The following TRMT11 variants were observed in gnomAD, a reference collection of about 807,000 sequenced individuals.
TRMT11 encodes tRNA (guanine(10)-N(2))-methyltransferase TRMT11.
TRMT11 carries 53 observed loss-of-function variants against 62.8 expected under a neutral mutation model. That is an observed-to-expected ratio of 0.84 (90% CI 0.68 to 1.06). The LOEUF is 1.06. Among genes scored for constraint, TRMT11 ranks in the 50% least tolerant of loss-of-function variants. The probability of loss-of-function intolerance (pLI) is 0.00; values close to 1 mark genes in which losing one functional copy is unlikely to be tolerated. For synonymous variants in TRMT11, 188 were observed against 190.3 expected, an observed-to-expected ratio of 0.99 and a Z score of 0.10; for missense variants, 556 against 553.4, an observed-to-expected ratio of 1.00 and a Z score of -0.05.
intron 17 of TRMT11, among the ~76,000 whole-genome samples, chr6:126,107,822 T>A (rs972685259): frequency 6.6e-6 from 1 of 152,156 alleles, no homozygotes; most frequent in South Asian, 2.1e-4. Flanking sequence ...CATTGTCAGG[T>A]CAGCATGCAG....
At chr6:126,116,844 A>T (rs1777592971) in intron 21 of TRMT11, among the ~76,000 whole-genome samples, 1 of 152,098 alleles carries the variant, frequency 6.6e-6, no homozygotes, top group Non-Finnish European at 1.5e-5. Flanking sequence ...TTCATGAGGG[A>T]GATTTAAATT....
At chr6:126,265,895 A>C in the TRMT11 span, among the ~76,000 whole-genome samples, 2 of 152,330 alleles carry the variant, frequency 1.3e-5, no homozygotes, top group Non-Finnish European at 2.9e-5. Flanking sequence ...TAAGGTCAAA[A>C]GAAACATATG....
intron 11 of TRMT11, among the ~76,000 whole-genome samples, chr6:126,016,480 A>G (rs1330906079): frequency 6.6e-6 from 1 of 152,162 alleles, no homozygotes; most frequent in Non-Finnish European, 1.5e-5. Context: ...AATCAAAATC[A>G]TATGTGGTTG....
At chr6:126,189,981 T>G (rs1778576714) in intron 1 of TRMT11, among the ~76,000 whole-genome samples, 1 of 152,132 alleles carries the variant, frequency 6.6e-6, no homozygotes, top group Non-Finnish European at 1.5e-5. Context: ...CATACATATA[T>G]ACAATGAGTA....
chr6:126,113,308 CTGTA>C (rs1562325846), intron 18 of TRMT11, among the ~76,000 whole-genome samples: 1 of 152,012 alleles, frequency 6.6e-6, no homozygotes, highest in East Asian at 1.9e-4. Context: ...GGATGATAAA[CTGTA>C]TGGTCTTTCT....
At chr6:126,239,881 A>T in the TRMT11 span, among the ~76,000 whole-genome samples, 3 of 152,044 alleles carry the variant, frequency 2.0e-5, no homozygotes, top group African/African-American at 4.8e-5. Flanking sequence ...ACATAGTCCT[A>T]TATTTCTTGG....
At chr6:126,054,701 A>C (rs138419934) in intron 17 of TRMT11, among the ~76,000 whole-genome samples, 3 of 152,214 alleles carry the variant, frequency 2.0e-5, no homozygotes, top group African/African-American at 7.2e-5. Flanking sequence ...TTGAAGTGTC[A>C]TGATTTTAAA....
chr6:126,110,758 A>G (rs1777522482), intron 17 of TRMT11, among the ~76,000 whole-genome samples: 1 of 152,144 alleles, frequency 6.6e-6, no homozygotes, highest in African/African-American at 2.4e-5. Context: ...TCATGCAACT[A>G]GGAAAATGAA....
intron 17 of TRMT11, among the ~76,000 whole-genome samples, chr6:126,091,336 CA>C (rs1419209665): frequency 6.6e-6 from 1 of 152,176 alleles, no homozygotes; most frequent in African/African-American, 2.4e-5. Context: ...GCGTACCAAT[CA>C]CCGACTTTTC....
intron 1 of TRMT11, among the ~76,000 whole-genome samples, chr6:126,179,686 G>A (rs1778433899): frequency 6.6e-6 from 1 of 152,136 alleles, no homozygotes; most frequent in Non-Finnish European, 1.5e-5. Context: ...AAGACTACAT[G>A]TCAGGTTTCA....
At chr6:126,024,535 C>A (rs1455531179) in intron 12 of TRMT11, among the ~76,000 whole-genome samples, 1 of 152,232 alleles carries the variant, frequency 6.6e-6, no homozygotes, top group Non-Finnish European at 1.5e-5. Context: ...ACCCGACTGT[C>A]TTCCTTTTCT....
chr6:126,238,960 T>A, the TRMT11 span, among the ~76,000 whole-genome samples: 25 of 152,340 alleles, frequency 1.6e-4, no homozygotes, highest in East Asian at 4.4e-3. Context: ...TTTACCATTA[T>A]GTAATGGCCT....
intron 16 of TRMT11, among the ~76,000 whole-genome samples, chr6:126,053,002 A>C (rs1022569689): frequency 6.6e-6 from 1 of 152,116 alleles, no homozygotes; most frequent in Non-Finnish European, 1.5e-5. Flanking sequence ...GCTAGGGGTA[A>C]ATGGCCCAGA....
At chr6:126,245,119 G>A in the TRMT11 span, among the ~76,000 whole-genome samples, 12 of 152,110 alleles carry the variant, frequency 7.9e-5, no homozygotes, top group African/African-American at 2.7e-4. Context: ...TTTAAGAAAG[G>A]CTTTATGTTT....
the TRMT11 span, among the ~76,000 whole-genome samples, chr6:126,259,288 C>T: frequency 1.3e-5 from 2 of 152,184 alleles, no homozygotes; most frequent in African/African-American, 2.4e-5. Context: ...CCTCTGTCTC[C>T]TGGGTTCAAG....
At chr6:126,139,407 T>C (rs944401337) in intron 21 of TRMT11, among the ~76,000 whole-genome samples, 3 of 152,086 alleles carry the variant, frequency 2.0e-5, no homozygotes, top group Non-Finnish European at 4.4e-5. Context: ...CTTGCTCTAT[T>C]GCCCAGGTGG....
chr6:126,036,274 G>A (rs1400026610), intron 12 of TRMT11, among the ~76,000 whole-genome samples: 1 of 152,120 alleles, frequency 6.6e-6, no homozygotes, highest in African/African-American at 2.4e-5. Flanking sequence ...TCAAGGGAAA[G>A]CCTGAGAATT....
downstream of TRMT11, among the ~76,000 whole-genome samples, chr6:126,039,931 C>A (rs1265275171): frequency 6.6e-6 from 1 of 152,072 alleles, no homozygotes; most frequent in East Asian, 1.9e-4. Context: ...CTGCTTTGCT[C>A]TCTTTTTCTT....
At chr6:126,065,825 T>C (rs1404911763) in intron 17 of TRMT11, among the ~76,000 whole-genome samples, 1 of 152,186 alleles carries the variant, frequency 6.6e-6, no homozygotes. Flanking sequence ...ATTGGGAGCG[T>C]TGAGGGTGGT....
Sources: gnomAD v4.1 joint callset for allele counts (sites outside exome capture counted in the v4.1 genomes callset) on GRCh38, gnomAD v4.1.1 for gene constraint, MANE v1.5 for transcripts, NCBI Gene and HGNC (gene_info 2026-07-23, HGNC 2026-07-21) for gene names.